The following MPP7 variants were observed in gnomAD, a reference collection of about 807,000 sequenced individuals.
The protein encoded by MPP7 is MAGUK p55 scaffold protein 7.
A neutral mutation model predicts 76.5 loss-of-function variants in MPP7; 60 were observed. The ratio of observed to expected loss-of-function variants is 0.78; its 90% CI spans 0.64 to 0.97. MPP7 has a LOEUF of 0.97. MPP7 is among the 50% of genes least tolerant of loss of function. The probability of loss-of-function intolerance (pLI) is 0.00; values close to 1 mark genes in which losing one functional copy is unlikely to be tolerated. For synonymous variants in MPP7, 237 were observed against 244.5 expected (o/e 0.97, Z 0.29); for missense variants, 641 against 694.0 (o/e 0.92, Z 0.86).
chr10:28,226,109 A>C (rs1403180392), intron 2 of MPP7, among the ~76,000 whole-genome samples: 1 of 152,252 alleles, frequency 6.6e-6, no homozygotes, highest in East Asian at 1.9e-4. Flanking sequence ...CCTTAAAAAC[A>C]TTATGCTAAG....
In MPP7 at chr10:28,213,272, T is replaced by C. The variant is rs553298475; in HGVS notation, c.38-11001A>G. ...AAAGAAGTTTTAGCTGGAGCTGTCA[T>C]TCAGTAGTTGTGAAGGAACAGGGTC... is the stretch of plus-strand genomic sequence containing the variant. On this transcript the variant is annotated intron_variant, in intron 2 of 16. Coordinates refer to ENST00000683449, the MANE Select transcript of MPP7 (RefSeq NM_001318170.2). Among the ~76,000 whole-genome samples, 11 of 152,128 alleles carry C rather than the reference T, an allele frequency of 7.2e-5. No individual in the cohort carries two copies. In the East Asian group the frequency reaches 2.1e-3, roughly 29 times the overall value.
chr10:28,120,106 T>C (rs1564640360), intron 10 of MPP7, 88 bp downstream of exon 10: 3 of 1,372,510 alleles, frequency 2.2e-6, no homozygotes, highest in South Asian at 1.4e-5. Flanking sequence ...TTTTATAGCA[T>C]ATTTTATCAC....
In MPP7 at chr10:28,058,460, T is replaced by C. The variant is rs778458893; in HGVS notation, c.1407+35A>G. 3.3e-6 allele frequency: 4 copies of C among 1,196,298 alleles called. No individual in the cohort carries two copies. The Admixed American group carries it at 8.1e-5, about 24-fold the overall frequency. The allele number at this position is 1,196,298 out of a possible 1,614,324, so 74.1% of individuals were successfully genotyped here. Reference sequence around the variant, plus strand: ...CATGAGGTGCTGTAGATGACATGGGTCAGAAGGGTATTGAATAGCTCATTG... The same window carrying C: ...CATGAGGTGCTGTAGATGACATGGGCCAGAAGGGTATTGAATAGCTCATTG... On this transcript the variant is annotated intron_variant, in intron 15 of 16. Transcript: ENST00000683449.
intron 2 of MPP7, among the ~76,000 whole-genome samples, chr10:28,324,303 C>A (rs1834391780): frequency 6.6e-6 from 1 of 152,176 alleles, no homozygotes; most frequent in East Asian, 1.9e-4. Context: ...TCTGCCAGCG[C>A]CTTGATCTTG....
chr10:28,115,212 C>G (rs895395043), intron 11 of MPP7, among the ~76,000 whole-genome samples: 1 of 152,070 alleles, frequency 6.6e-6, no homozygotes, highest in Non-Finnish European at 1.5e-5. Context: ...AAGCGATTCT[C>G]CTGCCTCAGC....
intron 1 of MPP7, among the ~76,000 whole-genome samples, chr10:28,271,483 C>T (rs1048129774): frequency 6.6e-6 from 1 of 152,150 alleles, no homozygotes; most frequent in Non-Finnish European, 1.5e-5. Context: ...TTTGAAATAC[C>T]TTGTCTAATG....
chr10:28,084,000 G>C (rs1019903957), intron 12 of MPP7, among the ~76,000 whole-genome samples: 1 of 152,126 alleles, frequency 6.6e-6, no homozygotes, highest in Non-Finnish European at 1.5e-5. Context: ...ACCAGCAATT[G>C]CTCCAAAATA....
chr10:28,180,343 T>C (rs1837020751), intron 3 of MPP7, among the ~76,000 whole-genome samples: 1 of 152,286 alleles, frequency 6.6e-6, no homozygotes, highest in Admixed American at 6.5e-5. Flanking sequence ...TTACAAGACA[T>C]ATCACCCTTT....
chr10:28,144,075 G>C (rs1056870011), intron 5 of MPP7, among the ~76,000 whole-genome samples: 2 of 152,140 alleles, frequency 1.3e-5, no homozygotes, highest in Non-Finnish European at 2.9e-5. Context: ...CTTTAGTAGA[G>C]ATGGGGTTTC....
chr10:28,199,568 G>A (rs1035952512), intron 3 of MPP7, among the ~76,000 whole-genome samples: 3 of 151,914 alleles, frequency 2.0e-5, no homozygotes, highest in African/African-American at 4.8e-5. Flanking sequence ...CTAGTCCAAA[G>A]AGGTCTATGT....
At chr10:28,247,322 C>T (rs1261480607) in intron 1 of MPP7, among the ~76,000 whole-genome samples, 2 of 152,088 alleles carry the variant, frequency 1.3e-5, no homozygotes, top group African/African-American at 4.8e-5. Context: ...AATACACTTT[C>T]TAAAAATTGA....
Position 28,167,310 on chromosome 10 carries a change from C to CAAAAAAAAAAA in MPP7, c.157-17252_157-17251insTTTTTTTTTTT, listed in dbSNP as rs747188721. 3.8e-4 allele frequency among the ~76,000 whole-genome samples: 26 copies of CAAAAAAAAAAA among 67,782 alleles called. 1 individual carries two copies. The South Asian group carries it at 0.016, about 42-fold the overall frequency. The allele number at this position is 67,782 out of a possible 152,430, so 44.5% of individuals were successfully genotyped here. On this transcript the variant is annotated intron_variant, in intron 3 of 16. Transcript: ENST00000683449. ...TGGGCAACAGAGTGAGGCTCTGCCT[C>CAAAAAAAAAAA]AAAAAAACAAACAAACAAACAAACA...
At chr10:28,319,011 A>G (rs1439102204) in intron 2 of MPP7, among the ~76,000 whole-genome samples, 3 of 152,254 alleles carry the variant, frequency 2.0e-5, no homozygotes, top group African/African-American at 2.4e-5. Flanking sequence ...TTACACTGCT[A>G]TAAAGAAATA....
At chr10:28,241,345 A>C (rs752971111) in intron 1 of MPP7, among the ~76,000 whole-genome samples, 1 of 152,180 alleles carries the variant, frequency 6.6e-6, no homozygotes, top group Non-Finnish European at 1.5e-5. Flanking sequence ...CATTTACTAC[A>C]AAACAATTAT....
chr10:28,278,840 A>C (rs887995695), intron 1 of MPP7, among the ~76,000 whole-genome samples: 1 of 151,752 alleles, frequency 6.6e-6, no homozygotes, highest in African/African-American at 2.4e-5. Context: ...AAAAAAAAAA[A>C]ACACCAAAAT....
intron 1 of MPP7, among the ~76,000 whole-genome samples, chr10:28,275,407 TTTC>T (rs1348383331): frequency 6.9e-6 from 1 of 145,354 alleles, no homozygotes; most frequent in African/African-American, 2.7e-5. Context: ...CTTCCTAATA[TTTC>T]TTTTTTTTTT....
intron 13 of MPP7, 101 bp from the exon 14 acceptor site, chr10:28,059,844 G>A (rs187888201): frequency 2.2e-5 from 17 of 781,158 alleles, no homozygotes; most frequent in African/African-American, 5.4e-5. Flanking sequence ...TTTTCAACAG[G>A]ATTTAAAAAT....
chr10:28,119,136 CT>C, intron 11 of MPP7: 1 of 877,518 alleles, frequency 1.1e-6, no homozygotes, highest in Non-Finnish European at 1.4e-6. Flanking sequence ...CTTTGTCTTT[CT>C]CTCATTTTCT....
chr10:28,114,237 C>T (rs1206965197), intron 11 of MPP7, among the ~76,000 whole-genome samples: 3 of 152,104 alleles, frequency 2.0e-5, no homozygotes, highest in Admixed American at 6.5e-5. Context: ...ATAGTGAGAA[C>T]CCATCTCTAC....
Sources: allele counts gnomAD v4.1 joint callset (sites outside exome capture counted in the v4.1 genomes callset), GRCh38; gene constraint gnomAD v4.1.1; transcripts MANE v1.5; gene names NCBI Gene and HGNC (gene_info 2026-07-23, HGNC 2026-07-21).